The following LARGE1 variants were observed in gnomAD, a reference collection of about 807,000 sequenced individuals.
The protein encoded by LARGE1 is xylosyl- and glucuronyltransferase LARGE1.
In LARGE1, 43 loss-of-function variants were observed where a neutral mutation model predicts 87.6. The observed-to-expected ratio is 0.49, with a 90% CI of 0.38 to 0.63. The LOEUF is 0.63. LARGE1 is among the 30% of genes least tolerant of loss of function. The pLI is 0.00. For synonymous variants in LARGE1, 434 were observed against 394.6 expected (o/e 1.10, Z -1.18); for missense variants, 802 against 1,000.2 (o/e 0.80, Z 2.67).
chr22:33,585,871 G>T (rs970150125), intron 5 of LARGE1, among the ~76,000 whole-genome samples: 1 of 152,254 alleles, frequency 6.6e-6, no homozygotes, highest in Admixed American at 6.5e-5. Context: ...GCTAATTTTT[G>T]TATTTTTAGT....
intron 6 of LARGE1, among the ~76,000 whole-genome samples, chr22:33,512,639 C>T (rs1602191705): frequency 6.6e-6 from 1 of 152,086 alleles, no homozygotes; most frequent in Non-Finnish European, 1.5e-5. Context: ...CCCATCTCTA[C>T]TAAAATACAA....
chr22:33,140,259 G>A, the LARGE1 span, among the ~76,000 whole-genome samples: 1 of 152,184 alleles, frequency 6.6e-6, no homozygotes, highest in Non-Finnish European at 1.5e-5. Context: ...GGAGCTGGGG[G>A]AAGAAAGACC....
intron 5 of LARGE1, among the ~76,000 whole-genome samples, chr22:33,569,329 T>A (rs186041024): frequency 2.4e-4 from 37 of 152,352 alleles, no homozygotes; most frequent in Non-Finnish European, 4.6e-4. Context: ...ACTCTCCGTT[T>A]TATTTTTAAC....
chr22:33,870,389 T>A (rs1042164046), intron 1 of LARGE1, among the ~76,000 whole-genome samples: 1 of 152,168 alleles, frequency 6.6e-6, no homozygotes, highest in Non-Finnish European at 1.5e-5. Context: ...TCACCACAAT[T>A]CTATGAAGAC....
At chr22:33,590,903 A>G (rs1043643522) in intron 5 of LARGE1, among the ~76,000 whole-genome samples, 2 of 152,180 alleles carry the variant, frequency 1.3e-5, no homozygotes, top group Non-Finnish European at 2.9e-5. Flanking sequence ...TATGTTTAAT[A>G]TTTTAAAAAG....
At chr22:33,630,739 A>G (rs2080083585) in intron 3 of LARGE1, among the ~76,000 whole-genome samples, 1 of 152,238 alleles carries the variant, frequency 6.6e-6, no homozygotes, top group Non-Finnish European at 1.5e-5. Context: ...CTTAGTTTAT[A>G]AACATGGTAC....
intron 7 of LARGE1, among the ~76,000 whole-genome samples, chr22:33,426,183 C>A (rs1490088527): frequency 6.6e-6 from 1 of 152,140 alleles, no homozygotes; most frequent in Non-Finnish European, 1.5e-5. Context: ...AGGCTCAAGT[C>A]ATATTAACTT....
intron 2 of LARGE1, among the ~76,000 whole-genome samples, chr22:33,662,076 CAAAAAAAAAAAAAAA>C (rs34470280): frequency 5.5e-5 from 3 of 54,896 alleles, no homozygotes; most frequent in South Asian, 2.1e-3. Flanking sequence ...GCTTAGGAGC[CAAAAAAAAAAAAAAA>C]AAAAAAAAGG....
At chr22:33,768,325 A>G (rs1414510757) in intron 1 of LARGE1, among the ~76,000 whole-genome samples, 1 of 152,140 alleles carries the variant, frequency 6.6e-6, no homozygotes, top group African/African-American at 2.4e-5. Flanking sequence ...ACCAAGTCCT[A>G]TGGCAGATGG....
At chr22:33,310,709 G>C (rs1450794430) in intron 11 of LARGE1, among the ~76,000 whole-genome samples, 2 of 152,156 alleles carry the variant, frequency 1.3e-5, no homozygotes, top group East Asian at 3.8e-4. Flanking sequence ...TGTTGACAGA[G>C]TGGAAGTGGC....
At chr22:33,229,971 T>C (rs1423086557) in intron 11 of LARGE1, among the ~76,000 whole-genome samples, 3 of 148,384 alleles carry the variant, frequency 2.0e-5, no homozygotes, top group Admixed American at 1.3e-4. Context: ...TTCAGAGAAC[T>C]ATGGAGTGAC....
intron 9 of LARGE1, among the ~76,000 whole-genome samples, chr22:33,380,384 G>A (rs2065119657): frequency 6.6e-6 from 1 of 152,080 alleles, no homozygotes; most frequent in South Asian, 2.1e-4. Flanking sequence ...TTCAAGTGCA[G>A]TTAAAAAAAA....
intron 11 of LARGE1, among the ~76,000 whole-genome samples, chr22:33,211,882 A>G (rs1238244357): frequency 1.3e-5 from 2 of 152,248 alleles, no homozygotes; most frequent in African/African-American, 4.8e-5. Context: ...AGATCAAACC[A>G]GCTGTATAAC....
chr22:33,476,602 C>T (rs2069090883), intron 6 of LARGE1, among the ~76,000 whole-genome samples: 2 of 152,230 alleles, frequency 1.3e-5, no homozygotes, highest in Non-Finnish European at 2.9e-5. Context: ...AATAAACTTT[C>T]TAAATTGATT....
At chr22:33,250,360 C>T (rs1289401265) in intron 11 of LARGE1, among the ~76,000 whole-genome samples, 1 of 152,176 alleles carries the variant, frequency 6.6e-6, no homozygotes, top group Non-Finnish European at 1.5e-5. Context: ...GATGTTTATA[C>T]ATTAACCTGG....
chr22:33,113,619 T>C, the LARGE1 span, among the ~76,000 whole-genome samples: 20 of 152,334 alleles, frequency 1.3e-4, no homozygotes, highest in African/African-American at 4.6e-4. Context: ...CACAGCTTGT[T>C]CTATGACCTG....
rs1044766626 is a variant in LARGE1 at position 33,733,133 on chromosome 22, T to C, written c.106+28238A>G. Reference sequence around the variant, plus strand: ...TATTAAGCCACTCGAGGGTGGAAGCTGGTGCTTTTACCTCCGCACCTCTCA... The same window carrying C: ...TATTAAGCCACTCGAGGGTGGAAGCCGGTGCTTTTACCTCCGCACCTCTCA... On this transcript the variant is annotated intron_variant, in intron 2 of 14. Transcript: ENST00000397394. The C allele has an allele frequency of 5.9e-5, 9 of 152,348 alleles. No individual in the cohort carries two copies. The South Asian group carries it at 6.2e-4, about 11-fold the overall frequency. The allele number at this position is 152,348 out of a possible 1,614,324, so 9.4% of individuals were successfully genotyped here. A position where few individuals can be genotyped will look rare whatever the true frequency, so the allele number is the denominator to read the frequency against.
intron 1 of LARGE1, among the ~76,000 whole-genome samples, chr22:33,762,200 C>T (rs144606471): frequency 5.8e-3 from 676 of 116,606 alleles, no homozygotes; most frequent in African/African-American, 0.017. Context: ...GGAGACAGAG[C>T]GAGATTCTAT....
At chr22:33,145,137 G>C in the LARGE1 span, among the ~76,000 whole-genome samples, 7 of 152,244 alleles carry the variant, frequency 4.6e-5, no homozygotes, top group East Asian at 1.4e-3. Flanking sequence ...GAAGGAGGGA[G>C]ATGTCCATGT....
Sources: allele counts gnomAD v4.1 joint callset (sites outside exome capture counted in the v4.1 genomes callset), GRCh38; gene constraint gnomAD v4.1.1; transcripts MANE v1.5; gene names NCBI Gene and HGNC (gene_info 2026-07-23, HGNC 2026-07-21).